The following EIPR1 variants were observed in gnomAD, a reference collection of about 807,000 sequenced individuals.
The protein encoded by EIPR1 is EARP complex and GARP complex interacting protein 1.
A neutral mutation model predicts 48.1 loss-of-function variants in EIPR1; 25 were observed. The ratio of observed to expected loss-of-function variants is 0.52; its 90% CI spans 0.38 to 0.73. The LOEUF (loss-of-function observed/expected upper bound fraction) is 0.73. Ranked by LOEUF, EIPR1 falls within the 30% of genes least tolerant of loss-of-function variation. The probability of loss-of-function intolerance (pLI) is 0.00; values close to 1 mark genes in which losing one functional copy is unlikely to be tolerated. For missense variants in EIPR1, 415 were observed against 506.2 expected (o/e 0.82, Z 1.73); for synonymous variants, 204 against 201.9 (o/e 1.01, Z -0.09).
intron 4 of EIPR1, among the ~76,000 whole-genome samples, chr2:3,253,142 C>G (rs1032278814): frequency 6.6e-6 from 1 of 152,172 alleles, no homozygotes; most frequent in Non-Finnish European, 1.5e-5. Context: ...CTCCACGGTC[C>G]TTTTTCCTAA....
At chr2:3,243,198 G>A (rs1326439270) in intron 4 of EIPR1, among the ~76,000 whole-genome samples, 1 of 152,176 alleles carries the variant, frequency 6.6e-6, no homozygotes, top group Non-Finnish European at 1.5e-5. Context: ...GAAGATACGG[G>A]CTGCACATGA....
chr2:3,337,608 C>T (rs1670105774), intron 3 of EIPR1, among the ~76,000 whole-genome samples: 1 of 152,166 alleles, frequency 6.6e-6, no homozygotes, highest in Non-Finnish European at 1.5e-5. Context: ...GGCATATCAC[C>T]AGTCAACGCG....
intron 5 of EIPR1, among the ~76,000 whole-genome samples, chr2:3,211,934 G>A (rs1057338802): frequency 7.2e-5 from 11 of 152,228 alleles, no homozygotes; most frequent in Admixed American, 3.3e-4. Context: ...TTCCACTCCA[G>A]GCCTCCCCTG....
chr2:3,351,003 G>T (rs1417437104), intron 2 of EIPR1, among the ~76,000 whole-genome samples: 1 of 124,308 alleles, frequency 8.0e-6, no homozygotes, highest in Non-Finnish European at 1.8e-5. Context: ...CATTTTGGGC[G>T]ATTTTTTTTT....
intron 3 of EIPR1, among the ~76,000 whole-genome samples, chr2:3,294,947 CACACACA>C (rs1668499314): frequency 6.3e-5 from 1 of 15,980 alleles, no homozygotes. Context: ...ATCCTCTCTA[CACACACA>C]CACACACCCT....
At chr2:3,226,241 A>C (rs550075299) in intron 4 of EIPR1, among the ~76,000 whole-genome samples, 1 of 152,302 alleles carries the variant, frequency 6.6e-6, no homozygotes, top group Middle Eastern at 3.4e-3. Context: ...CCCACCTTGA[A>C]TATATAAAAG....
chr2:3,313,163 C>G (rs933179714), intron 3 of EIPR1, among the ~76,000 whole-genome samples: 2 of 152,176 alleles, frequency 1.3e-5, no homozygotes, highest in Non-Finnish European at 2.9e-5. Context: ...TGCACTTCTT[C>G]CCACTGGGGG....
intron 4 of EIPR1, among the ~76,000 whole-genome samples, chr2:3,254,723 G>A (rs1407182462): frequency 2.0e-5 from 3 of 152,250 alleles, no homozygotes; most frequent in Non-Finnish European, 4.4e-5. Flanking sequence ...GGAGGTGGCT[G>A]TGGTTATAAA....
chr2:3,300,865 G>A (rs573045040), intron 3 of EIPR1: 9 of 152,124 alleles, frequency 5.9e-5, no homozygotes, highest in African/African-American at 1.9e-4. Flanking sequence ...TGTGAACTCC[G>A]GACAGTGCCA....
intron 4 of EIPR1, among the ~76,000 whole-genome samples, chr2:3,240,669 A>G (rs952437235): frequency 9.3e-6 from 1 of 108,042 alleles, no homozygotes; most frequent in Admixed American, 8.8e-5. Context: ...TCCTTCCTCA[A>G]GAACAGTGAG....
At chr2:3,366,678 TA>T (rs1028305711) in intron 1 of EIPR1, among the ~76,000 whole-genome samples, 1 of 152,032 alleles carries the variant, frequency 6.6e-6, no homozygotes, top group African/African-American at 2.4e-5. Flanking sequence ...CAACTGCAAA[TA>T]AAAAAAGACC....
intron 5 of EIPR1, among the ~76,000 whole-genome samples, chr2:3,209,612 T>C (rs574452294): frequency 2.0e-4 from 31 of 152,236 alleles, no homozygotes; most frequent in East Asian, 1.4e-3. Flanking sequence ...CAAGGGACAA[T>C]GCATAAAAGG....
chr2:3,304,864 A>AGTTCAGCCCTCCACTCCCG (rs1668876272), intron 3 of EIPR1, among the ~76,000 whole-genome samples: 1 of 52,208 alleles, frequency 1.9e-5, no homozygotes, highest in African/African-American at 7.7e-5. Flanking sequence ...CTCCACTGCC[A>AGTTCAGCCCTCCACTCCCG]TCCAGTTCAG....
intron 4 of EIPR1, among the ~76,000 whole-genome samples, chr2:3,220,180 T>C (rs781773767): frequency 1.1e-4 from 17 of 152,198 alleles, no homozygotes; most frequent in Admixed American, 4.6e-4. Context: ...TTGCTGAAAA[T>C]ATTGGGGACC....
chr2:3,298,959 C>A (rs1217476152), intron 3 of EIPR1, among the ~76,000 whole-genome samples: 1 of 152,204 alleles, frequency 6.6e-6, no homozygotes, highest in East Asian at 1.9e-4. Flanking sequence ...CTCCTGCTCA[C>A]TGCGCTCAGA....
intron 3 of EIPR1, among the ~76,000 whole-genome samples, chr2:3,328,718 A>T (rs1157636674): frequency 8.0e-6 from 1 of 124,776 alleles, no homozygotes; most frequent in Non-Finnish European, 1.7e-5. Flanking sequence ...CGCTCTAATG[A>T]TCTCAGGGCA....
At chr2:3,199,124 G>A (rs1034668737) in intron 5 of EIPR1, among the ~76,000 whole-genome samples, 7 of 138,848 alleles carry the variant, frequency 5.0e-5, no homozygotes, top group East Asian at 4.2e-4. Flanking sequence ...ATTCCTTACT[G>A]GGGAAAGAAT....
At chr2:3,358,060 A>G (rs1274051879) in intron 1 of EIPR1, among the ~76,000 whole-genome samples, 1 of 152,196 alleles carries the variant, frequency 6.6e-6, no homozygotes, top group African/African-American at 2.4e-5. Context: ...CCTACAGCTC[A>G]CTAAATGCCC....
rs978831695 is a variant in EIPR1 at position 3,194,977 on chromosome 2, G to A, written c.654-811C>T. The stretch of plus-strand genomic sequence containing the variant: ...AGTGCGTGCGTTCTCACACTCACGC[G>A]TGCATCTGTGTGCACGCCCACACAT... On this transcript the variant is annotated intron_variant, in intron 6 of 8. Transcript: ENST00000382125. Among the ~76,000 whole-genome samples, 5 of 152,238 alleles carry A rather than the reference G, an allele frequency of 3.3e-5. 1 individual carries two copies. The highest frequency in any genetic ancestry group is 1.9e-4 in the East Asian group (1 of 5,200).
Sources: allele counts gnomAD v4.1 joint callset (sites outside exome capture counted in the v4.1 genomes callset), GRCh38; gene constraint gnomAD v4.1.1; transcripts MANE v1.5; gene names NCBI Gene and HGNC (gene_info 2026-07-23, HGNC 2026-07-21).